The following CACNG4 variants were observed in gnomAD, a reference collection of about 807,000 sequenced individuals.
The protein encoded by CACNG4 is voltage-dependent calcium channel gamma-4 subunit.
In CACNG4, 8 loss-of-function variants were observed where a neutral mutation model predicts 22.9. That is an observed-to-expected ratio of 0.35 (90% CI 0.21 to 0.63). The LOEUF is 0.63. Ranked by LOEUF, CACNG4 falls within the 30% of genes least tolerant of loss-of-function variation. CACNG4 has a pLI of 0.72. For synonymous variants in CACNG4, 188 were observed against 191.9 expected, an observed-to-expected ratio of 0.98 and a Z score of 0.17; for missense variants, 357 against 455.4, an observed-to-expected ratio of 0.78 and a Z score of 1.97.
intron 2 of CACNG4, among the ~76,000 whole-genome samples, chr17:67,023,336 C>A (rs1410232401): frequency 3.1e-5 from 4 of 127,144 alleles, no homozygotes; most frequent in Admixed American, 2.8e-4. Context: ...AGTGCAGTGG[C>A]GCGATCTTGG....
chr17:67,009,244 T>C (rs533476502), intron 1 of CACNG4, among the ~76,000 whole-genome samples: 1 of 152,198 alleles, frequency 6.6e-6, no homozygotes, highest in Non-Finnish European at 1.5e-5. Flanking sequence ...GGCAATAACT[T>C]TCTGTCATGG....
intron 1 of CACNG4, among the ~76,000 whole-genome samples, chr17:66,966,377 C>A (rs995829934): frequency 7.9e-5 from 12 of 152,144 alleles, no homozygotes; most frequent in African/African-American, 2.9e-4. Context: ...TTTTCGGTAA[C>A]CTTTCCCCGC....
chr17:66,971,390 C>T (rs1405093465), intron 1 of CACNG4, among the ~76,000 whole-genome samples: 1 of 152,044 alleles, frequency 6.6e-6, no homozygotes, highest in Non-Finnish European at 1.5e-5. Context: ...AGTCACCCGC[C>T]TGCTGGGTGT....
intron 1 of CACNG4, among the ~76,000 whole-genome samples, chr17:66,967,995 G>C (rs369309657): frequency 6.6e-6 from 1 of 152,136 alleles, no homozygotes; most frequent in African/African-American, 2.4e-5. Context: ...CTGCCCCTCT[G>C]CTGGAAAGTG....
rs117761632 is a variant in CACNG4, at chr17:66,967,573, G to A, written c.220+2442G>A. Among the ~76,000 whole-genome samples the A allele has an allele frequency of 1.6e-3, 238 of 152,274 alleles. 4 individuals carry two copies. The highest frequency in any genetic ancestry group is 0.012 in the Admixed American group (185 of 15,302). On this transcript the variant is annotated intron_variant, in intron 1 of 3. Transcript: ENST00000262138. ...ACCCTAGGCCACTTTCTGGGGACAC[G>A]GAGGGAGGGTTACCTCCGTGTTGGC...
At chr17:66,972,481 A>G (rs2035210613) in intron 1 of CACNG4, among the ~76,000 whole-genome samples, 1 of 152,206 alleles carries the variant, frequency 6.6e-6, no homozygotes, top group South Asian at 2.1e-4. Context: ...ATGGGCTCAG[A>G]CTTTGCATAT....
intron 3 of CACNG4, among the ~76,000 whole-genome samples, chr17:67,026,244 T>C (rs1188359554): frequency 6.6e-6 from 1 of 150,524 alleles, no homozygotes; most frequent in Non-Finnish European, 1.5e-5. Flanking sequence ...GGTGTGTATA[T>C]TTGGGGACTA....
intron 1 of CACNG4, among the ~76,000 whole-genome samples, chr17:67,002,115 G>A (rs540872990): frequency 1.1e-4 from 17 of 152,310 alleles, no homozygotes; most frequent in African/African-American, 3.8e-4. Flanking sequence ...AGAAAAAGAG[G>A]TTTAATGGAC....
chr17:67,000,811 C>A (rs778475290), intron 1 of CACNG4, among the ~76,000 whole-genome samples: 1 of 152,186 alleles, frequency 6.6e-6, no homozygotes, highest in Admixed American at 6.5e-5. Flanking sequence ...TGCTCCAAGT[C>A]AGCAGAAGAC....
intron 2 of CACNG4, among the ~76,000 whole-genome samples, chr17:67,022,787 C>T (rs1448285794): frequency 6.6e-6 from 1 of 152,216 alleles, no homozygotes; most frequent in East Asian, 1.9e-4. Context: ...AGGCCGAGCT[C>T]TGGGCTTTCC....
chr17:66,976,905 C>T (rs921395251), intron 1 of CACNG4, among the ~76,000 whole-genome samples: 1 of 152,188 alleles, frequency 6.6e-6, no homozygotes, highest in Admixed American at 6.5e-5. Flanking sequence ...GACAGCACCG[C>T]CCCCTCCGTC....
chr17:66,994,778 C>A (rs2035363737), intron 1 of CACNG4, among the ~76,000 whole-genome samples: 1 of 152,160 alleles, frequency 6.6e-6, no homozygotes, highest in African/African-American at 2.4e-5. Context: ...TGCACCTGTA[C>A]AGAGTTAGCA....
In CACNG4 at chr17:67,024,930, C is replaced by A. The variant is rs555971941; in HGVS notation, c.375C>A (p.Ile125=). Reference sequence around the variant, plus strand: ...TGCTCCTGCTGGGTGGCCTGTGCATCGGTGCTGGCAGGATCTACAGCCGCA... The same window carrying A: ...TGCTCCTGCTGGGTGGCCTGTGCATAGGTGCTGGCAGGATCTACAGCCGCA... ...TILLLLGGLC[I]GAGRIYSRKN... is the part of the protein sequence containing the mutation. Residue 125 remains isoleucine (I), a synonymous_variant, in exon 3 of 4, where the codon ATC becomes ATA. Transcript: ENST00000262138. 2 of 1,606,680 alleles carry A rather than the reference C, an allele frequency of 1.2e-6. No individual in the cohort carries two copies. The highest frequency in any genetic ancestry group is 2.7e-5 in the African/African-American group (2 of 74,690).
intron 1 of CACNG4, among the ~76,000 whole-genome samples, chr17:67,009,306 C>T (rs1008605170): frequency 3.9e-5 from 6 of 152,164 alleles, no homozygotes; most frequent in South Asian, 2.1e-4. Context: ...AACTAATGCA[C>T]CCTGCCTCTC....
intron 2 of CACNG4, among the ~76,000 whole-genome samples, chr17:67,023,007 G>A (rs187933097): frequency 2.4e-3 from 372 of 152,274 alleles, no homozygotes; most frequent in Middle Eastern, 0.017. Flanking sequence ...CCAGAAGCCC[G>A]AAGTCAAGGT....
rs1196053184 is a variant in CACNG4 at position 67,027,535 on chromosome 17, G to A, written c.445+2535G>A. 1.3e-5 allele frequency among the ~76,000 whole-genome samples: 2 copies of A among 152,208 alleles called. No homozygotes were observed. The highest frequency in any genetic ancestry group is 2.4e-5 in the African/African-American group (1 of 41,452). The stretch of plus-strand genomic sequence containing the variant: ...GGTCTGACAGGCTCTTAAAGAACTC[G>A]AGGTGGAAAATGGTAGGTGCCACAG... On this transcript the variant is annotated intron_variant, in intron 3 of 3. Transcript: ENST00000262138. This position sits in a 1 kb window ranked among gnomAD's most constrained non-coding sequence, Gnocchi z 4.3.
chr17:66,999,398 T>A (rs573131455), intron 1 of CACNG4, among the ~76,000 whole-genome samples: 31 of 152,268 alleles, frequency 2.0e-4, no homozygotes, highest in Non-Finnish European at 4.0e-4. Flanking sequence ...AAGACTGGTG[T>A]ATTAGTCCGT....
chr17:67,007,611 C>T (rs1026724430), intron 1 of CACNG4, among the ~76,000 whole-genome samples: 4 of 152,108 alleles, frequency 2.6e-5, no homozygotes, highest in Non-Finnish European at 4.4e-5. Context: ...CGGTGATGTG[C>T]TGTCGGAAAC....
chr17:66,980,757 T>G (rs2035267259), intron 1 of CACNG4, among the ~76,000 whole-genome samples: 1 of 151,820 alleles, frequency 6.6e-6, no homozygotes, highest in South Asian at 2.1e-4. Context: ...TAGCTGGAAT[T>G]ACAGGCGTGC....
Sources: gnomAD v4.1 joint callset for allele counts (sites outside exome capture counted in the v4.1 genomes callset) on GRCh38, gnomAD v4.1.1 for gene constraint, Gnocchi (gnomAD v3.1) non-coding constraint, MANE v1.5 for transcripts, NCBI Gene and HGNC (gene_info 2026-07-23, HGNC 2026-07-21) for gene names.